AKAP10: variants seen among roughly 807,000 people sequenced by gnomAD.
The protein encoded by AKAP10 is A-kinase anchor protein 10, mitochondrial.
A neutral mutation model predicts 80.8 loss-of-function variants in AKAP10; 24 were observed. That is an observed-to-expected ratio of 0.30 (90% CI 0.22 to 0.42). The LOEUF is 0.42. AKAP10 is among the 10% of genes least tolerant of loss of function. The pLI, the probability that AKAP10 is intolerant of heterozygous loss-of-function variation, is 1.00. For synonymous variants in AKAP10, 291 were observed against 277.7 expected, an observed-to-expected ratio of 1.05 and a Z score of -0.48; for missense variants, 661 against 794.9, an observed-to-expected ratio of 0.83 and a Z score of 2.03.
chr17:19,923,204 A>T (rs777217116), intron 11 of AKAP10, among the ~76,000 whole-genome samples: 4 of 151,892 alleles, frequency 2.6e-5, no homozygotes, highest in Non-Finnish European at 5.9e-5. Flanking sequence ...CAGCCTCCGG[A>T]GTAGCTGGGA....
intron 2 of AKAP10, among the ~76,000 whole-genome samples, chr17:19,966,029 G>A (rs1391431013): frequency 6.6e-6 from 1 of 152,064 alleles, no homozygotes; most frequent in African/African-American, 2.4e-5. Context: ...AGGTTTGCTA[G>A]ACTCTAAAAA....
At chr17:19,933,271 G>C (rs138691812) in intron 9 of AKAP10, among the ~76,000 whole-genome samples, 1 of 152,100 alleles carries the variant, frequency 6.6e-6, no homozygotes, top group South Asian at 2.1e-4. Context: ...CACCCGCCTC[G>C]ATCTTCCAAA....
rs2043300005 is a variant in AKAP10 at position 19,958,000 on chromosome 17, A to T, written c.877+14T>A. 32 of 1,596,854 alleles carry T rather than the reference A, an allele frequency of 2.0e-5. No individual in the cohort carries two copies. The highest frequency in any genetic ancestry group is 2.6e-5 in the Non-Finnish European group (31 of 1,170,742). On this transcript the variant is annotated intron_variant, in intron 4 of 14. Transcript: ENST00000225737. ...TGAGACACATATGTACACACAAGAA[A>T]ATCACATACTCACTTTTCATTAGTT...
At chr17:19,921,308 C>T (rs203449) in intron 11 of AKAP10, among the ~76,000 whole-genome samples, 42,688 of 151,348 alleles carry the variant, frequency 0.28, 6,490 homozygotes, top group African/African-American at 0.38. Flanking sequence ...GCTGGGACTA[C>T]GGGTGCGCCA....
At position 19,977,604 on chromosome 17, in the gene AKAP10, A is replaced by C; in HGVS notation, c.76T>G (p.Phe26Val). 1 of 1,234,760 alleles carries C rather than the reference A, an allele frequency of 8.1e-7. No individual in the cohort carries two copies. Among genetic ancestry groups the C allele is most frequent in the Non-Finnish European group, 1.0e-6 (1 of 987,966 alleles). 76.5% of individuals were successfully genotyped at this position (1,234,760 alleles called of 1,614,324 possible). A position where few individuals can be genotyped will look rare whatever the true frequency, so the allele number is the denominator to read the frequency against. ...RPDPGPAMSFFRRKVKGKEQE... is the reference protein window; with the variant it reads ...RPDPGPAMSFVRRKVKGKEQE... ...CCCCCTCAGCTACCTTTCCGCCGGA[A>C]GAAGGACATGGCGGGGCCCGGGTCG... The change falls in exon 1 of 15, where the codon TTC becomes GTC. Residue 26 changes from phenylalanine to valine, a missense_variant. Coordinates refer to ENST00000225737, the MANE Select transcript of AKAP10 (RefSeq NM_007202.4).
rs117070166 is a variant in AKAP10, at chr17:19,945,925, T to C, written c.976+1482A>G. On this transcript the variant is annotated intron_variant, in intron 5 of 14. Coordinates refer to ENST00000225737, the MANE Select transcript of AKAP10 (RefSeq NM_007202.4). ...AAATAACCTCTTTTATCTGTGAATA[T>C]ACGTTCACCTAAGGTCTTCCTGATA... 5.8e-3 allele frequency among the ~76,000 whole-genome samples: 886 copies of C among 151,872 alleles called. 3 individuals are homozygous for C. The highest frequency in any genetic ancestry group is 8.2e-3 in the Non-Finnish European group (560 of 67,958).
chr17:19,928,313 G>A (rs1254961680), intron 10 of AKAP10, among the ~76,000 whole-genome samples: 1 of 152,094 alleles, frequency 6.6e-6, no homozygotes, highest in East Asian at 1.9e-4. Context: ...AGGCCAATAA[G>A]CAAATGAAAA....
intron 5 of AKAP10, among the ~76,000 whole-genome samples, chr17:19,943,283 AG>A (rs1567763670): frequency 6.6e-6 from 1 of 152,150 alleles, no homozygotes; most frequent in East Asian, 1.9e-4. Context: ...TGGCCTCTAA[AG>A]AGCTTTAGGA....
chr17:19,916,896 C>T (rs1278657195), intron 12 of AKAP10, among the ~76,000 whole-genome samples: 2 of 150,702 alleles, frequency 1.3e-5, no homozygotes, highest in Non-Finnish European at 2.9e-5. Context: ...GACATCGTGC[C>T]ACTACACTCC....
At chr17:19,916,966 C>G (rs1400331524) in intron 12 of AKAP10, among the ~76,000 whole-genome samples, 1 of 107,826 alleles carries the variant, frequency 9.3e-6, no homozygotes, top group Non-Finnish European at 2.0e-5. Flanking sequence ...AAATAAATAA[C>G]AACAACAAAA....
At chr17:19,921,841 T>C (rs2042821024) in intron 11 of AKAP10, among the ~76,000 whole-genome samples, 1 of 152,188 alleles carries the variant, frequency 6.6e-6, no homozygotes, top group Non-Finnish European at 1.5e-5. Flanking sequence ...CACTATGAGA[T>C]GCTCTGCTAC....
At chr17:19,965,147 C>T (rs563714845) in intron 2 of AKAP10, among the ~76,000 whole-genome samples, 113 of 152,356 alleles carry the variant, frequency 7.4e-4, no homozygotes, top group Admixed American at 2.5e-3. Context: ...TAAATATCAA[C>T]TTAAAACATC....
At position 19,906,289 on chromosome 17, in the gene AKAP10, T is replaced by C. The variant is rs2042631256; in HGVS notation, c.1984-57A>G. 18 of 1,567,478 alleles carry C rather than the reference T, an allele frequency of 1.1e-5. No individual in the cohort carries two copies. The East Asian group carries it at 3.8e-4, about 33-fold the overall frequency. ...GTGCATTTCTCTAACAAGTGACCTA[T>C]TATTACAAATTAAGGATGGACACCA... On this transcript the variant is annotated intron_variant, in intron 14 of 14. Coordinates refer to ENST00000225737, the MANE Select transcript of AKAP10 (RefSeq NM_007202.4).
At chr17:19,912,836 A>G (rs190562643) in intron 12 of AKAP10, among the ~76,000 whole-genome samples, 4 of 152,316 alleles carry the variant, frequency 2.6e-5, no homozygotes, top group African/African-American at 7.2e-5. Flanking sequence ...GAAGGAGAGA[A>G]AGGCAGAGGA....
intron 10 of AKAP10, among the ~76,000 whole-genome samples, chr17:19,931,091 T>C (rs2042927178): frequency 6.6e-6 from 1 of 152,084 alleles, no homozygotes; most frequent in African/African-American, 2.4e-5. Context: ...GGTGGATTAT[T>C]TGAGCCCAGA....
intron 5 of AKAP10, among the ~76,000 whole-genome samples, chr17:19,942,695 C>A (rs576692644): frequency 3.9e-5 from 6 of 152,092 alleles, no homozygotes; most frequent in Admixed American, 3.9e-4. Flanking sequence ...TGCAGCGAAA[C>A]AATTAGCTAT....
intron 11 of AKAP10, 146 bp from the exon 12 acceptor site, chr17:19,920,264 T>C: frequency 1.7e-6 from 1 of 595,820 alleles, no homozygotes; most frequent in East Asian, 2.9e-5. Context: ...GTAGGGATTA[T>C]TTGAAATAAA....
At chr17:19,910,018 T>G (rs773890874) in intron 12 of AKAP10, 40 bp from the exon 13 acceptor site, 3 of 1,589,848 alleles carry the variant, frequency 1.9e-6, no homozygotes, top group South Asian at 2.2e-5. Context: ...ATTTCATGCA[T>G]AATTTTACAT....
At position 19,968,501 on chromosome 17, in the gene AKAP10, C is replaced by T. The variant is rs956204968; in HGVS notation, c.89-40G>A. 9.8e-6 allele frequency: 15 copies of T among 1,526,662 alleles called. 1 individual carries two copies. The African/African-American group carries it at 1.4e-4, about 14-fold the overall frequency. 94.6% of individuals were successfully genotyped at this position (1,526,662 alleles called of 1,614,324 possible). On this transcript the variant is annotated intron_variant, in intron 1 of 14. Transcript: ENST00000225737. ...GATAATTATGACCAACTTTTGCAGTCAGAGATCCATTCTATAACACTGTAA... is the reference window on the plus strand; with the variant it reads ...GATAATTATGACCAACTTTTGCAGTTAGAGATCCATTCTATAACACTGTAA...
Sources: allele counts gnomAD v4.1 joint callset (sites outside exome capture counted in the v4.1 genomes callset), GRCh38; gene constraint gnomAD v4.1.1; transcripts MANE v1.5; gene names NCBI Gene and HGNC (gene_info 2026-07-23, HGNC 2026-07-21).